DIXDC1: variants seen among roughly 807,000 people sequenced by gnomAD.
DIXDC1 encodes dixin.
A neutral mutation model predicts 103.1 loss-of-function variants in DIXDC1; 64 were observed. The observed-to-expected ratio is 0.62, with a 90% CI of 0.51 to 0.76. DIXDC1 has a LOEUF of 0.76. Among genes scored for constraint, DIXDC1 ranks in the 30% least tolerant of loss-of-function variants. The probability of loss-of-function intolerance (pLI) is 0.00; values close to 1 mark genes in which losing one functional copy is unlikely to be tolerated. For synonymous variants in DIXDC1, 266 were observed against 298.5 expected, an observed-to-expected ratio of 0.89 and a Z score of 1.12; for missense variants, 759 against 834.2, an observed-to-expected ratio of 0.91 and a Z score of 1.11.
At chr11:111,973,659 T>C (rs1860007178) in intron 3 of DIXDC1, among the ~76,000 whole-genome samples, 1 of 152,200 alleles carries the variant, frequency 6.6e-6, no homozygotes, top group Non-Finnish European at 1.5e-5. Context: ...CTGTTCCCTC[T>C]TCCTGGAATA....
chr11:111,985,581 T>C lies in DIXDC1; in HGVS notation c.1008+260T>C, dbSNP rs377026056. 2.6e-5 allele frequency among the ~76,000 whole-genome samples: 4 copies of C among 152,222 alleles called. No individual in the cohort carries two copies. In the South Asian group the frequency reaches 6.2e-4, roughly 24 times the overall value. On this transcript the variant is annotated intron_variant, in intron 8 of 19. Transcript: ENST00000440460. ...AAACAGATCTAAGACCCGACCCTTA[T>C]GGAGTTTACATTCAAGGTCTCTTTG...
rs1555175704 is a variant in DIXDC1, at chr11:111,998,921, CA to C, written c.1756+2777del. Reference sequence around the variant, plus strand: ...GTCATGTCCAAAACTGGACACAAAACAATAGAGAGGGAAAAATACAGAATAT... The same window carrying C: ...GTCATGTCCAAAACTGGACACAAAACATAGAGAGGGAAAAATACAGAATAT... On this transcript the variant is annotated intron_variant, in intron 17 of 19. Coordinates refer to ENST00000440460, the MANE Select transcript of DIXDC1 (RefSeq NM_001037954.4). The surrounding 1 kb of genome is among the most constrained non-coding windows in gnomAD (Gnocchi z 4.1). Among the ~76,000 whole-genome samples the C allele has an allele frequency of 2.0e-5, 3 of 152,266 alleles. 1 individual carries two copies.
At chr11:111,996,463 C>G (rs184123273) in intron 17 of DIXDC1, 2 of 199,984 alleles carry the variant, frequency 1.0e-5, no homozygotes, top group African/African-American at 2.4e-5. Flanking sequence ...CACATACATA[C>G]GTAAATTTTT....
chr11:111,954,423 C>T (rs372603870), intron 1 of DIXDC1, among the ~76,000 whole-genome samples: 28 of 152,224 alleles, frequency 1.8e-4, no homozygotes, highest in African/African-American at 5.5e-4. Flanking sequence ...CTCTGTGGCC[C>T]GGTTGCTAAC....
chr11:111,995,945 T>C, intron 16 of DIXDC1, 135 bp from the exon 17 acceptor site: 2 of 786,754 alleles, frequency 2.5e-6, no homozygotes, highest in East Asian at 2.8e-5. Context: ...TTAGGATAAA[T>C]ATATTAGATT....
intron 10 of DIXDC1, among the ~76,000 whole-genome samples, chr11:111,990,300 A>C (rs1555174400): frequency 6.6e-6 from 1 of 150,874 alleles, no homozygotes; most frequent in Non-Finnish European, 1.5e-5. Context: ...CATGTTGGCC[A>C]GGCTGGTCTT....
At position 111,995,023 on chromosome 11, in the gene DIXDC1, C is replaced by G; in HGVS notation, c.1442C>G (p.Thr481Ser). 6.2e-7 allele frequency: 1 copy of G among 1,613,348 alleles called. No individual in the cohort carries two copies. The highest frequency in any genetic ancestry group is 8.5e-7 in the Non-Finnish European group (1 of 1,179,806). The part of the protein sequence containing the change: ...HCMKREADEA[T>S]NYNSHNSQSN... Reference sequence around the variant, plus strand: ...CATTTCTTCATGCTGCTGTAGGCGACCAACTACAACAGTCACAACTCTCAA... The same window carrying G: ...CATTTCTTCATGCTGCTGTAGGCGAGCAACTACAACAGTCACAACTCTCAA... Residue 481 changes from threonine to serine, a missense_variant, in exon 15 of 20, where the codon ACC (threonine) becomes AGC (serine). Transcript: ENST00000440460.
chr11:111,975,292 T>C, intron 5 of DIXDC1: 1 of 1,177,590 alleles, frequency 8.5e-7, no homozygotes, highest in South Asian at 2.0e-5. Flanking sequence ...GACATTTGCA[T>C]ATGAGGTGCC....
chr11:111,954,403 T>C (rs781928702), intron 1 of DIXDC1, among the ~76,000 whole-genome samples: 3 of 152,186 alleles, frequency 2.0e-5, no homozygotes, highest in African/African-American at 4.8e-5. Context: ...TAAATACAGA[T>C]GAAGCTTCAC....
At chr11:111,964,834 T>G (rs1330711901) in intron 2 of DIXDC1, among the ~76,000 whole-genome samples, 156 bp downstream of exon 2, 1 of 152,254 alleles carries the variant, frequency 6.6e-6, no homozygotes, top group East Asian at 1.9e-4. Context: ...TTAATTCATT[T>G]ATTTATTCGT....
chr11:111,974,977 G>A lies in DIXDC1; in HGVS notation c.650G>A (p.Cys217Tyr). Reference sequence around the variant, plus strand: ...CAAAGGTCCCCGTCTGAATCCAGCTGCTCCAGGTAACTGTGGCCTCTGAAA... The same window carrying A: ...CAAAGGTCCCCGTCTGAATCCAGCTACTCCAGGTAACTGTGGCCTCTGAAA... The part of the protein sequence containing the change: ...GQQRSPSESS[C>Y]SSLTSPSPIH... Residue 217 changes from cysteine (C) to tyrosine (Y), a missense_variant, in exon 5 of 20, where the codon TGC becomes TAC. This residue lies in a region of DIXDC1 where 657 missense variants were observed against 727.5 expected (regional missense o/e 0.90). Coordinates refer to ENST00000440460, the MANE Select transcript of DIXDC1 (RefSeq NM_001037954.4). 6.2e-7 allele frequency: 1 copy of A among 1,610,938 alleles called. No individual in the cohort carries two copies. Among genetic ancestry groups the A allele is most frequent in the Middle Eastern group, 1.8e-4 (1 of 5,690 alleles).
chr11:111,927,861 C>G (rs1264001877), intron 1 of DIXDC1, among the ~76,000 whole-genome samples: 1 of 151,040 alleles, frequency 6.6e-6, no homozygotes, highest in Non-Finnish European at 1.5e-5. Context: ...ACTAAAAATA[C>G]AAAAATTAGC....
rs1861787411 is a variant in DIXDC1 at position 112,022,416 on chromosome 11, AT to A, written c.*3382del. The A allele has an allele frequency of 6.6e-6, 1 of 152,608 alleles. No homozygotes were observed. Among genetic ancestry groups the A allele is most frequent in the East Asian group, 1.9e-4 (1 of 5,206 alleles). 9.5% of individuals were successfully genotyped at this position (152,608 alleles called of 1,614,324 possible). A position where few individuals can be genotyped will look rare whatever the true frequency, so the allele number is the denominator to read the frequency against. ...TACAGCCATTGCTTTCAAAGAGATT[AT>A]TACTGTGTATTCTCCCTGTTTTACA... On this transcript the variant is annotated 3_prime_UTR_variant, in exon 20 of 20. Transcript: ENST00000440460. This position sits in a 1 kb window ranked among gnomAD's most constrained non-coding sequence, Gnocchi z 4.9.
intron 1 of DIXDC1, among the ~76,000 whole-genome samples, chr11:111,946,248 A>G (rs1555169355): frequency 6.6e-6 from 1 of 151,890 alleles, no homozygotes; most frequent in Non-Finnish European, 1.5e-5. Context: ...AGCTGGGACC[A>G]CAGGCGCCTA....
chr11:111,974,758 G>T, intron 4 of DIXDC1, 118 bp from the exon 5 acceptor site: 2 of 1,486,136 alleles, frequency 1.3e-6, no homozygotes. Context: ...TTGAGGCAGG[G>T]GTTTTGTCTT....
At chr11:111,931,718 C>T (rs1033538394) in intron 2 of DIXDC1, among the ~76,000 whole-genome samples, 2 of 152,146 alleles carry the variant, frequency 1.3e-5, no homozygotes, top group African/African-American at 2.4e-5. Flanking sequence ...TAAATTACCT[C>T]GTACAACAAT....
In DIXDC1 at chr11:112,019,047, C is replaced by G; in HGVS notation, c.*11C>G. ...CATGGAGAGAATTAATGCCAAGTAT[C>G]AGATTGAGGGCTTATGGAACCTGGT... On this transcript the variant is annotated 3_prime_UTR_variant, in exon 20 of 20. Coordinates refer to ENST00000440460, the MANE Select transcript of DIXDC1 (RefSeq NM_001037954.4). The G allele has an allele frequency of 6.2e-7, 1 of 1,610,192 alleles. No homozygotes were observed. Among genetic ancestry groups the G allele is most frequent in the Non-Finnish European group, 8.5e-7 (1 of 1,177,076 alleles).
chr11:111,943,849 G>A (rs1966504727), intron 1 of DIXDC1, among the ~76,000 whole-genome samples: 1 of 152,116 alleles, frequency 6.6e-6, no homozygotes, highest in Non-Finnish European at 1.5e-5. Context: ...TTGACCATGG[G>A]TGGTTGAAAC....
At chr11:112,002,615 A>G (rs1480990952) in intron 17 of DIXDC1, among the ~76,000 whole-genome samples, 1 of 152,104 alleles carries the variant, frequency 6.6e-6, no homozygotes, top group Non-Finnish European at 1.5e-5. Context: ...ACAGAGCAAG[A>G]CCTTGTCTCT....
Sources: gnomAD v4.1 joint callset for allele counts (sites outside exome capture counted in the v4.1 genomes callset) on GRCh38, gnomAD v4.1.1 for gene constraint, gnomAD v4.1.1 regional missense constraint, Gnocchi (gnomAD v3.1) non-coding constraint, MANE v1.5 for transcripts, NCBI Gene and HGNC (gene_info 2026-07-23, HGNC 2026-07-21) for gene names.